DUOX1: variants seen among roughly 807,000 people sequenced by gnomAD.
DUOX1 encodes the protein dual oxidase 1.
Under a neutral mutation model 181.8 loss-of-function variants are expected in DUOX1, and 134 were observed. That is an observed-to-expected ratio of 0.74 (90% CI 0.64 to 0.85). The LOEUF is 0.85. Ranked by LOEUF, DUOX1 falls within the 40% of genes least tolerant of loss-of-function variation. The pLI is 0.00. For synonymous variants in DUOX1, 798 were observed against 832.5 expected (o/e 0.96, Z 0.71); for missense variants, 1,814 against 2,064.4 (o/e 0.88, Z 2.35).
At chr15:45,148,208 T>G in intron 20 of DUOX1, 64 bp from the exon 21 acceptor site, 1 of 1,607,508 alleles carries the variant, frequency 6.2e-7, no homozygotes, top group Non-Finnish European at 8.5e-7. Flanking sequence ...ATGGAGTCAG[T>G]GTGTCCTGTG....
Position 45,152,323 on chromosome 15 carries a change from C to T in DUOX1, c.3231C>T (p.Asp1077=), listed in dbSNP as rs1381358896. ...AFAAHHTGIT[D]TTRVGIILSR... is the part of the protein sequence containing the mutation. ...CCGCACATCACACGGGCATCACAGACACCACCCGCGTGGGAATCATCCTGT... is the reference window on the plus strand; with the variant it reads ...CCGCACATCACACGGGCATCACAGATACCACCCGCGTGGGAATCATCCTGT... The change falls in exon 25 of 34, where the codon GAC becomes GAT. Residue 1077 remains aspartate (D), a synonymous_variant. Transcript: ENST00000389037. 1.2e-6 allele frequency: 2 copies of T among 1,614,208 alleles called. No homozygotes were observed. The highest frequency in any genetic ancestry group is 3.3e-5 in the Admixed American group (2 of 60,030).
chr15:45,159,008 G>A (rs533491179), intron 28 of DUOX1, among the ~76,000 whole-genome samples: 1 of 152,338 alleles, frequency 6.6e-6, no homozygotes, highest in East Asian at 1.9e-4. Context: ...TGGGCCAAGG[G>A]TCTGGGGGAG....
chr15:45,141,749 AGCGT>A (rs547558294), intron 14 of DUOX1, among the ~76,000 whole-genome samples: 990 of 81,474 alleles, frequency 0.012, 6 homozygotes, highest in Non-Finnish European at 0.017. Flanking sequence ...CAGTGAGGGA[AGCGT>A]GTGTGTGTGT....
rs1374972703 is a variant in DUOX1 at position 45,164,916 on chromosome 15, G to T, written c.*15G>T. 1.2e-6 allele frequency: 2 copies of T among 1,613,776 alleles called. No individual in the cohort carries two copies. The highest frequency in any genetic ancestry group is 1.3e-5 in the African/African-American group (1 of 75,020). The stretch of plus-strand genomic sequence containing the variant: ...AGAACTTCTAGGCCCCTGCCCGGGG[G>T]TTCTGCCCACTGCCCAGTTGAGCAG... On this transcript the variant is annotated 3_prime_UTR_variant, in exon 34 of 34. Coordinates refer to ENST00000389037, the MANE Select transcript of DUOX1 (RefSeq NM_175940.3).
intron 29 of DUOX1, 115 bp downstream of exon 29, chr15:45,161,105 G>A (rs947198572): frequency 1.7e-5 from 25 of 1,488,998 alleles, no homozygotes; most frequent in Non-Finnish European, 1.4e-5. Context: ...AGGTGCCTTG[G>A]GTGGCAGGGA....
rs550839513 is a variant in DUOX1, at chr15:45,144,220, C to T, written c.2121C>T (p.Pro707=). 4 of 1,614,068 alleles carry T rather than the reference C, an allele frequency of 2.5e-6. No individual in the cohort carries two copies. In the Admixed American group the frequency reaches 6.7e-5, roughly 27 times the overall value. Residue 707 remains proline (P), a synonymous_variant, in exon 17 of 34, where the codon CCC becomes CCT. Transcript: ENST00000389037. ...RGRRTLLLKI[P]KEYDLVLLFN... ...GCCGCACTCTGCTGCTCAAGATCCC[C>T]AAGGAGTATGACCTGGTATGGCTCA...
chr15:45,165,197 C>A lies in DUOX1; in HGVS notation c.*296C>A. ...CTGCTTCCAGACTTCAGAAACAAAT[C>A]TCAGAAGACAAGCTGACCTGACAAG... On this transcript the variant is annotated 3_prime_UTR_variant, in exon 34 of 34. Coordinates refer to ENST00000389037, the MANE Select transcript of DUOX1 (RefSeq NM_175940.3). 1 of 479,310 alleles carries A rather than the reference C, an allele frequency of 2.1e-6. No homozygotes were observed. The highest frequency in any genetic ancestry group is 2.7e-5 in the South Asian group (1 of 37,086). 29.7% of individuals were successfully genotyped at this position (479,310 alleles called of 1,614,324 possible).
At position 45,154,575 on chromosome 15, in the gene DUOX1, T is replaced by A. The variant is rs1374762223; in HGVS notation, c.3574+575T>A. On this transcript the variant is annotated intron_variant, in intron 27 of 33. Coordinates refer to ENST00000389037, the MANE Select transcript of DUOX1 (RefSeq NM_175940.3). ...GTAACATAATTTCTATACTGGCTCC[T>A]CTCTGTGAAACACAGCATGGTTTTT... Among the ~76,000 whole-genome samples the A allele has an allele frequency of 7.3e-5, 11 of 149,780 alleles. No homozygotes were observed. In the East Asian group the frequency reaches 1.6e-3, roughly 21 times the overall value.
chr15:45,156,009 C>G, intron 28 of DUOX1, 80 bp downstream of exon 28: 1 of 1,567,064 alleles, frequency 6.4e-7, no homozygotes, highest in Non-Finnish European at 8.8e-7. Flanking sequence ...CTGGGACATT[C>G]ATTCAATTTC....
intron 21 of DUOX1, chr15:45,148,657 T>A (rs2141280401): frequency 3.3e-6 from 1 of 303,200 alleles, no homozygotes; most frequent in African/African-American, 2.2e-5. Flanking sequence ...AAATATTATT[T>A]TTTATTTTTA....
chr15:45,147,631 C>A lies in DUOX1; in HGVS notation c.2521C>A (p.Leu841Met). ...GNGYLSFREF[L>M]DILVVFMKGS... ...TGGCTACCTGTCCTTCCGAGAGTTC[C>A]TGGACATCCTGGTGGTCTTCATGAA... Residue 841 changes from leucine to methionine, a missense_variant, in exon 19 of 34, where the codon CTG becomes ATG. Around this residue, in one of 5 missense-constraint regions of DUOX1, gnomAD observed 1,064 missense variants for 1,152.9 expected, o/e 0.92. Coordinates refer to ENST00000389037, the MANE Select transcript of DUOX1 (RefSeq NM_175940.3). 2 of 1,614,178 alleles carry A rather than the reference C, an allele frequency of 1.2e-6. No homozygotes were observed. The highest frequency in any genetic ancestry group is 1.7e-6 in the Non-Finnish European group (2 of 1,180,024).
chr15:45,153,288 C>G (rs1425404510), intron 25 of DUOX1, 92 bp from the exon 26 acceptor site: 1 of 908,256 alleles, frequency 1.1e-6, no homozygotes, highest in South Asian at 1.3e-5. Context: ...TCTGGGACCC[C>G]CACTCTGGCC....
chr15:45,145,080 G>C lies in DUOX1; in HGVS notation c.2322G>C (p.Gln774His). Residue 774 changes from glutamine to histidine, a missense_variant and splice_region_variant, in exon 18 of 34, where the codon CAG (glutamine) becomes CAC (histidine). Transcript: ENST00000389037. The part of the protein sequence containing the change: ...LETFFRHLFS[Q>H]VLDINQADAG... Reference sequence around the variant, plus strand: ...CCTTTTTCAGGCACCTTTTCTCCCAGGTGTGTACATGGGACCAGATCAATC... The same window carrying C: ...CCTTTTTCAGGCACCTTTTCTCCCACGTGTGTACATGGGACCAGATCAATC... 6.2e-7 allele frequency: 1 copy of C among 1,600,072 alleles called. No individual in the cohort carries two copies. Among genetic ancestry groups the C allele is most frequent in the East Asian group, 2.2e-5 (1 of 44,824 alleles).
chr15:45,143,625 T>C (rs3784580), intron 16 of DUOX1, among the ~76,000 whole-genome samples: 7,656 of 152,228 alleles, frequency 0.05, 613 homozygotes, highest in African/African-American at 0.16. Flanking sequence ...GAGAAGTGGT[T>C]AATGAAGGTC....
intron 12 of DUOX1, chr15:45,139,989 C>T (rs769974087): frequency 4.0e-6 from 4 of 997,208 alleles, no homozygotes; most frequent in South Asian, 1.2e-5. Context: ...CCCTGAGCTA[C>T]CACCTGGACT....
In DUOX1 at chr15:45,149,411, C is replaced by T. The variant is rs533738102; in HGVS notation, c.2818+964C>T. On this transcript the variant is annotated intron_variant, in intron 21 of 33. Transcript: ENST00000389037. ...ACGAAGGTGCATGGAAGGGAGCCCACACCACAGAGTCCCAGGGACATCCAA... is the reference window on the plus strand; with the variant it reads ...ACGAAGGTGCATGGAAGGGAGCCCATACCACAGAGTCCCAGGGACATCCAA... 3.3e-5 allele frequency among the ~76,000 whole-genome samples: 5 copies of T among 152,352 alleles called. No homozygotes were observed. The East Asian group carries it at 7.7e-4, about 24-fold the overall frequency.
In DUOX1 at chr15:45,164,846, A is replaced by G. The variant is rs2141316963; in HGVS notation, c.4601A>G (p.Gln1534Arg). The G allele has an allele frequency of 6.2e-7, 1 of 1,613,928 alleles. No homozygotes were observed. The highest frequency in any genetic ancestry group is 1.1e-5 in the South Asian group (1 of 91,076). Residue 1534 changes from glutamine (Q) to arginine (R), a missense_variant, in exon 34 of 34, where the codon CAG (glutamine) becomes CGG (arginine). This residue lies in a region of DUOX1 where 124 missense variants were observed against 125.7 expected (regional missense o/e 0.99). Coordinates refer to ENST00000389037, the MANE Select transcript of DUOX1 (RefSeq NM_175940.3). ...ACCAAGAATGTGGAAAAGGCCTGTC[A>G]GCTCATCAACAGGCAGGACCGGACT... is the stretch of plus-strand genomic sequence containing the variant. ...GMTKNVEKAC[Q>R]LINRQDRTHF...
Position 45,150,634 on chromosome 15 carries a change from G to A in DUOX1, c.2821G>A (p.Val941Met). The A allele has an allele frequency of 1.2e-6, 2 of 1,613,874 alleles. No homozygotes were observed. The highest frequency in any genetic ancestry group is 2.2e-5 in the South Asian group (2 of 91,078). The change falls in exon 22 of 34, where the codon GTG becomes ATG. Residue 941 changes from valine (V) to methionine (M), a missense_variant and splice_region_variant. By Grantham distance (21) the Val-to-Met change is conservative (BLOSUM62 1). Transcript: ENST00000389037. ...LRFTQLCVKG[V>M]EVPEVIKDLC... is the part of the protein sequence containing the mutation. ...CCTAGCCTGGCTCTGCTTTGCAGGG[G>A]TGGAGGTGCCTGAAGTCATCAAGGA...
chr15:45,164,191 G>A (rs1232086663), intron 33 of DUOX1, among the ~76,000 whole-genome samples: 1 of 125,060 alleles, frequency 8.0e-6, no homozygotes, highest in Non-Finnish European at 1.6e-5. Flanking sequence ...CAAAAACTCG[G>A]GGCTACCCTC....
Sources: gnomAD v4.1 joint callset for allele counts (sites outside exome capture counted in the v4.1 genomes callset) on GRCh38, gnomAD v4.1.1 for gene constraint, gnomAD v4.1.1 regional missense constraint, MANE v1.5 for transcripts, NCBI Gene and HGNC (gene_info 2026-07-23, HGNC 2026-07-21) for gene names.